Variants in SLC15A1 observed in about 807,000 individuals in gnomAD.
SLC15A1 encodes Caco-2 oligopeptide transporter.
In SLC15A1, 83 loss-of-function variants were observed where a neutral mutation model predicts 92.9. The ratio of observed to expected loss-of-function variants is 0.89; its 90% confidence interval spans 0.75 to 1.07. The LOEUF is 1.07. Among genes scored for constraint, SLC15A1 ranks in the 50% least tolerant of loss-of-function variants. The pLI is 0.00. For missense variants in SLC15A1, 857 were observed against 880.1 expected (o/e 0.97, Z 0.33); for synonymous variants, 322 against 318.2 (o/e 1.01, Z -0.13).
chr13:98,697,615 C>CTTT lies in SLC15A1; in HGVS notation c.1466+4862_1466+4864dup, dbSNP rs11347963. 1.4e-3 allele frequency among the ~76,000 whole-genome samples: 179 copies of CTTT among 125,008 alleles called. 1 individual carries two copies. The highest frequency in any genetic ancestry group is 4.5e-3 in the African/African-American group (150 of 33,602). The allele number at this position is 125,008 out of a possible 152,430, so 82.0% of individuals were successfully genotyped here. On this transcript the variant is annotated intron_variant, in intron 18 of 22. Coordinates refer to ENST00000376503, the MANE Select transcript of SLC15A1 (RefSeq NM_005073.4). The stretch of plus-strand genomic sequence containing the variant: ...AATCAACCACAAAGACTGGCTGATG[C>CTTT]TTTTTTTTTTTTTTTTTTTTTAAAT...
intron 18 of SLC15A1, among the ~76,000 whole-genome samples, chr13:98,694,264 C>A (rs767155133): frequency 3.9e-5 from 6 of 152,064 alleles, no homozygotes; most frequent in Non-Finnish European, 7.4e-5. Context: ...TAAAGCCAGA[C>A]CTTTGCATAG....
intron 1 of SLC15A1, among the ~76,000 whole-genome samples, chr13:98,731,650 C>T (rs546499352): frequency 6.6e-6 from 1 of 152,284 alleles, no homozygotes; most frequent in East Asian, 1.9e-4. Flanking sequence ...CATCACAAAC[C>T]TTCCTTTCCT....
intron 1 of SLC15A1, among the ~76,000 whole-genome samples, chr13:98,730,685 C>T (rs1430369496): frequency 1.3e-5 from 2 of 152,268 alleles, no homozygotes; most frequent in Non-Finnish European, 2.9e-5. Flanking sequence ...ACGCGACTGC[C>T]TCAGGGTCCT....
chr13:98,718,615 G>A (rs369978535), intron 8 of SLC15A1, among the ~76,000 whole-genome samples: 6 of 152,066 alleles, frequency 3.9e-5, no homozygotes, highest in East Asian at 1.9e-4. Flanking sequence ...TCAGGTGCTC[G>A]AGACCAGCCT....
chr13:98,696,771 T>C (rs993814235), intron 18 of SLC15A1, among the ~76,000 whole-genome samples: 1 of 152,206 alleles, frequency 6.6e-6, no homozygotes, highest in Non-Finnish European at 1.5e-5. Flanking sequence ...ATTCACAGGC[T>C]GGAACTCTAA....
chr13:98,742,623 A>G (rs1337360252), intron 1 of SLC15A1, among the ~76,000 whole-genome samples: 10 of 151,910 alleles, frequency 6.6e-5, no homozygotes, highest in Non-Finnish European at 1.2e-4. Context: ...CGCAAGGGAG[A>G]ATCTGTCCTG....
intron 9 of SLC15A1, among the ~76,000 whole-genome samples, chr13:98,713,440 C>G (rs534440507): frequency 6.6e-6 from 1 of 152,232 alleles, no homozygotes; most frequent in East Asian, 1.9e-4. Context: ...GTTTGAAAAA[C>G]CAGATTTACA....
chr13:98,725,427 T>C (rs1171428778), intron 4 of SLC15A1, among the ~76,000 whole-genome samples: 3 of 152,144 alleles, frequency 2.0e-5, no homozygotes, highest in Non-Finnish European at 2.9e-5. Context: ...CTCTCTTTAG[T>C]GACCTCACAC....
At chr13:98,705,114 G>A (rs531463648) in intron 16 of SLC15A1, among the ~76,000 whole-genome samples, 3 of 149,218 alleles carry the variant, frequency 2.0e-5, no homozygotes, top group African/African-American at 4.9e-5. Flanking sequence ...CATGAGAATC[G>A]CTTAAACCCA....
intron 5 of SLC15A1, among the ~76,000 whole-genome samples, chr13:98,722,866 G>A (rs773910607): frequency 3.3e-5 from 5 of 152,112 alleles, no homozygotes; most frequent in Non-Finnish European, 7.3e-5. Flanking sequence ...GCTCCAATAC[G>A]AACTCCATGA....
At chr13:98,716,815 T>C (rs2088214621) in intron 8 of SLC15A1, among the ~76,000 whole-genome samples, 1 of 152,134 alleles carries the variant, frequency 6.6e-6, no homozygotes, top group Non-Finnish European at 1.5e-5. Flanking sequence ...TTACAAAAGT[T>C]AGAAGCACCT....
At chr13:98,707,691 T>C (rs1300168397) in intron 15 of SLC15A1, among the ~76,000 whole-genome samples, 1 of 152,040 alleles carries the variant, frequency 6.6e-6, no homozygotes, top group African/African-American at 2.4e-5. Context: ...GGAGGATTGA[T>C]TACCAGCCTG....
intron 8 of SLC15A1, among the ~76,000 whole-genome samples, chr13:98,717,793 G>C (rs904890575): frequency 3.9e-5 from 6 of 152,196 alleles, no homozygotes; most frequent in Non-Finnish European, 7.3e-5. Flanking sequence ...ATTGGAGAGA[G>C]AGACGTGATT....
chr13:98,738,857 T>C (rs1336302661), intron 1 of SLC15A1, among the ~76,000 whole-genome samples: 1 of 152,164 alleles, frequency 6.6e-6, no homozygotes, highest in Non-Finnish European at 1.5e-5. Context: ...CTCCAGACCC[T>C]AGGATGGTAG....
chr13:98,707,888 G>GTT lies in SLC15A1; in HGVS notation c.1149+796_1149+797dup, dbSNP rs386380386. Among the ~76,000 whole-genome samples the GTT allele has an allele frequency of 2.5e-3, 188 of 75,374 alleles. 4 individuals carry two copies. The highest frequency in any genetic ancestry group is 0.02 in the African/African-American group (157 of 7,866). The allele number at this position is 75,374 out of a possible 152,430, so 49.4% of individuals were successfully genotyped here. On this transcript the variant is annotated intron_variant, in intron 15 of 22. Coordinates refer to ENST00000376503, the MANE Select transcript of SLC15A1 (RefSeq NM_005073.4). ...AGCCTAGGCGACAGAGTGAGACCCTGTTTAAAAAAAAAAAAAAAAAAAAAA... is the reference window on the plus strand; with the variant it reads ...AGCCTAGGCGACAGAGTGAGACCCTGTTTTTAAAAAAAAAAAAAAAAAAAAAA...
At chr13:98,733,898 G>C (rs2088369313) in intron 1 of SLC15A1, among the ~76,000 whole-genome samples, 1 of 152,188 alleles carries the variant, frequency 6.6e-6, no homozygotes, top group Admixed American at 6.5e-5. Context: ...AATCACAGGG[G>C]TCTAGCACCA....
intron 1 of SLC15A1, among the ~76,000 whole-genome samples, chr13:98,731,085 G>C (rs1317126547): frequency 6.6e-6 from 1 of 152,148 alleles, no homozygotes; most frequent in East Asian, 1.9e-4. Flanking sequence ...TTTCAGTAGC[G>C]GTTCCTTCCC....
intron 15 of SLC15A1, among the ~76,000 whole-genome samples, 180 bp downstream of exon 15, chr13:98,708,506 G>C (rs1309532465): frequency 6.6e-6 from 1 of 152,002 alleles, no homozygotes; most frequent in East Asian, 1.9e-4. Flanking sequence ...TTCCCCTGCT[G>C]AAGCCCACCC....
chr13:98,716,267 T>A, intron 8 of SLC15A1, among the ~76,000 whole-genome samples: 1 of 152,142 alleles, frequency 6.6e-6, no homozygotes, highest in Non-Finnish European at 1.5e-5. Context: ...CTATCTCTAT[T>A]TAAAGGGAGA....
Sources: gnomAD v4.1 joint callset for allele counts (sites outside exome capture counted in the v4.1 genomes callset) on GRCh38, gnomAD v4.1.1 for gene constraint, MANE v1.5 for transcripts, NCBI Gene and HGNC (gene_info 2026-07-23, HGNC 2026-07-21) for gene names.